HSPA8: variants seen among roughly 807,000 people sequenced by gnomAD.
HSPA8 encodes the protein heat shock protein family A (Hsp70) member 8, also known as heat shock cognate 71 kDa protein.
Under a neutral mutation model 52.8 loss-of-function variants are expected in HSPA8, and 2 were observed. The ratio of observed to expected loss-of-function variants is 0.04; its 90% CI spans 0.02 to 0.12. The LOEUF is 0.12. Among genes scored for constraint, HSPA8 ranks in the 10% least tolerant of loss-of-function variants. The pLI, the probability that HSPA8 is intolerant of heterozygous loss-of-function variation, is 1.00. For missense variants in HSPA8, 349 were observed against 800.5 expected, an observed-to-expected ratio of 0.44 and a Z score of 6.81; for synonymous variants, 436 against 274.0, an observed-to-expected ratio of 1.59 and a Z score of -5.84.
chr11:123,060,940 C>A, intron 2 of HSPA8, 142 bp from the exon 3 acceptor site: 2 of 890,550 alleles, frequency 2.2e-6, no homozygotes, highest in Non-Finnish European at 1.8e-6. Context: ...AAACTTCAAC[C>A]TCCTACGTTA....
At position 123,057,829 on chromosome 11, in the gene HSPA8, C is replaced by T. The variant is rs780546314; in HGVS notation, c.1846G>A (p.Gly616Ser). 10 of 1,613,750 alleles carry T rather than the reference C, an allele frequency of 6.2e-6. No homozygotes were observed. The highest frequency in any genetic ancestry group is 7.6e-6 in the Non-Finnish European group (9 of 1,179,778). ...IITKLYQSAG[G>S]MPGGMPGGFP... ...CCCCCAGGCATTCCTCCTGGCATGC[C>T]TCCTGCACTCTGGTACAGCTTGGTG... The change falls in exon 9 of 9, where the codon GGC (glycine) becomes AGC (serine). Residue 616 changes from glycine to serine, a missense_variant. Gly to Ser is a moderately conservative substitution (Grantham distance 56). Transcript: ENST00000534624.
chr11:123,059,558 C>G lies in HSPA8; in HGVS notation c.1035G>C (p.Lys345Asn). ...VLVGGSTRIP[K>N]IQKLLQDFFN... ...AGAAGTCTTGGAGAAGCTTCTGAAT[C>G]TTGGGGATACGAGTAGAACCACCAA... is the stretch of plus-strand genomic sequence containing the variant. The change falls in exon 5 of 9, where the codon AAG becomes AAC. Residue 345 changes from lysine (K) to asparagine (N), a missense_variant. Physicochemically the swap from Lys to Asn is moderately conservative, Grantham distance 94. Transcript: ENST00000534624. 6.2e-7 allele frequency: 1 copy of G among 1,614,082 alleles called. No individual in the cohort carries two copies. The highest frequency in any genetic ancestry group is 8.5e-7 in the Non-Finnish European group (1 of 1,180,000).
In HSPA8 at chr11:123,061,713, C is replaced by T. The variant is rs1565370119; in HGVS notation, c.-6+351G>A. ...GCACGCCAAGAACAGCTCTGAAGAA[C>T]CACGGTGGGACTGGACTAAGCAGGG... is the stretch of plus-strand genomic sequence containing the variant. On this transcript the variant is annotated intron_variant, in intron 1 of 8. Coordinates refer to ENST00000534624, the MANE Select transcript of HSPA8 (RefSeq NM_006597.6). 4 of 268,872 alleles carry T rather than the reference C, an allele frequency of 1.5e-5. No homozygotes were observed. The South Asian group carries it at 1.6e-4, about 10-fold the overall frequency. The allele number at this position is 268,872 out of a possible 1,614,324, so 16.7% of individuals were successfully genotyped here.
At chr11:123,061,611 C>G in intron 1 of HSPA8, 1 of 466,202 alleles carries the variant, frequency 2.1e-6, no homozygotes. Flanking sequence ...CTGTCTGTTC[C>G]CCTCCCTCGC....
chr11:123,057,549 AGT>A lies in HSPA8; in HGVS notation c.*183_*184del. ...ACATTGCATTTTCCACTTACAATAC[AGT>A]GTTTATAAAGTGCAATGTTATTTCC... On this transcript the variant is annotated 3_prime_UTR_variant, in exon 9 of 9. Coordinates refer to ENST00000534624, the MANE Select transcript of HSPA8 (RefSeq NM_006597.6). The A allele has an allele frequency of 5.9e-6, 3 of 510,116 alleles. No homozygotes were observed. Among genetic ancestry groups the A allele is most frequent in the Non-Finnish European group, 1.0e-5 (3 of 290,758 alleles). 31.6% of individuals were successfully genotyped at this position (510,116 alleles called of 1,614,324 possible).
At position 123,061,340 on chromosome 11, in the gene HSPA8, G is replaced by C. The variant is rs761720312; in HGVS notation, c.-5-11C>G. 4 of 1,593,702 alleles carry C rather than the reference G, an allele frequency of 2.5e-6. No individual in the cohort carries two copies. Among genetic ancestry groups the C allele is most frequent in the South Asian group, 2.2e-5 (2 of 90,486 alleles). On this transcript the variant is annotated splice_polypyrimidine_tract_variant and intron_variant, in intron 1 of 8. Coordinates refer to ENST00000534624, the MANE Select transcript of HSPA8 (RefSeq NM_006597.6). ...CCTTGGACATGGTTGCTGAAAAAAAGAAAAATCTGGTTTAAAAATTCAATT... is the reference window on the plus strand; with the variant it reads ...CCTTGGACATGGTTGCTGAAAAAAACAAAAATCTGGTTTAAAAATTCAATT...
chr11:123,061,648 C>T (rs1865507045), intron 1 of HSPA8: 1 of 407,324 alleles, frequency 2.5e-6, no homozygotes. Flanking sequence ...CGGGAGTCAA[C>T]GGGCTTTTAA....
At chr11:123,061,439 T>C (rs541230593) in intron 1 of HSPA8, 110 bp from the exon 2 acceptor site, 3 of 818,508 alleles carry the variant, frequency 3.7e-6, no homozygotes, top group South Asian at 1.6e-5. Context: ...CAAGAGGTAA[T>C]AGTGCCCATC....
In HSPA8 at chr11:123,061,557, G is replaced by C. The variant is rs1865503253; in HGVS notation, c.-5-228C>G. The C allele has an allele frequency of 1.6e-5, 9 of 566,742 alleles. No individual in the cohort carries two copies. The South Asian group carries it at 1.6e-4, about 10-fold the overall frequency. 35.1% of individuals were successfully genotyped at this position (566,742 alleles called of 1,614,324 possible). On this transcript the variant is annotated intron_variant, in intron 1 of 8. Coordinates refer to ENST00000534624, the MANE Select transcript of HSPA8 (RefSeq NM_006597.6). ...GATGAAGGACCCATCTACCCAGACG[G>C]CGTGGGGCGTTGCTCAACACGTGGT...
rs144785833 is a variant in HSPA8 at position 123,057,752 on chromosome 11, G to T, written c.1923C>A (p.Thr641=). The T allele has an allele frequency of 4.0e-5, 65 of 1,611,888 alleles. No individual in the cohort carries two copies. Among genetic ancestry groups the T allele is most frequent in the Non-Finnish European group, 4.2e-6 (5 of 1,179,300 alleles). Reference sequence around the variant, plus strand: ...GGTTGGCTTAATCAACCTCTTCAATGGTGGGCCCTGAGGAAGCACCACCAG... The same window carrying T: ...GGTTGGCTTAATCAACCTCTTCAATTGTGGGCCCTGAGGAAGCACCACCAG... ...PPSGGASSGP[T]IEEVD Residue 641 remains threonine (T), a synonymous_variant, in exon 9 of 9, where the codon ACC becomes ACA. Coordinates refer to ENST00000534624, the MANE Select transcript of HSPA8 (RefSeq NM_006597.6).
chr11:123,059,587 G>C lies in HSPA8; in HGVS notation c.1006C>G (p.Leu336Val). 1 of 1,614,080 alleles carries C rather than the reference G, an allele frequency of 6.2e-7. No individual in the cohort carries two copies. Among genetic ancestry groups the C allele is most frequent in the Non-Finnish European group, 8.5e-7 (1 of 1,179,986 alleles). ...LDKSQIHDIV[L>V]VGGSTRIPKI... Reference sequence around the variant, plus strand: ...GGGATACGAGTAGAACCACCAACCAGGACAATATCATGAATCTGTGACTTG... The same window carrying C: ...GGGATACGAGTAGAACCACCAACCACGACAATATCATGAATCTGTGACTTG... The change falls in exon 5 of 9, where the codon CTG becomes GTG. Residue 336 changes from leucine (L) to valine (V), a missense_variant. Coordinates refer to ENST00000534624, the MANE Select transcript of HSPA8 (RefSeq NM_006597.6).
chr11:123,059,125 G>A lies in HSPA8; in HGVS notation c.1257C>T (p.Thr419=), dbSNP rs368207632. 7 of 1,612,072 alleles carry A rather than the reference G, an allele frequency of 4.3e-6. No homozygotes were observed. The highest frequency in any genetic ancestry group is 4.0e-5 in the African/African-American group (3 of 74,858). Residue 419 remains threonine (T), a synonymous_variant, in exon 6 of 9, where the codon ACC becomes ACT. Transcript: ENST00000534624. ...VMTVLIKRNT[T]IPTKQTQTFT... is the part of the protein sequence containing the mutation. ...AGGTCTGTGTCTGCTTGGTAGGAAT[G>A]GTGGTATTACGCTTGATGAGGACAG...
chr11:123,058,876 T>G (rs767370308), intron 6 of HSPA8, 46 bp from the exon 7 acceptor site: 50 of 1,567,218 alleles, frequency 3.2e-5, no homozygotes, highest in Non-Finnish European at 4.1e-5. Flanking sequence ...TCCAGGTCTG[T>G]GACAGTGCTA....
chr11:123,059,534 G>A lies in HSPA8; in HGVS notation c.1059C>T (p.Phe353=), dbSNP rs150854686. The A allele has an allele frequency of 1.8e-5, 29 of 1,613,984 alleles. No individual in the cohort carries two copies. Among genetic ancestry groups the A allele is most frequent in the Non-Finnish European group, 2.3e-5 (27 of 1,179,994 alleles). Residue 353 remains phenylalanine, a synonymous_variant, in exon 5 of 9, where the codon TTC becomes TTT. Transcript: ENST00000534624. ...TCTTATTCAGTTCTTTTCCATTGAA[G>A]AAGTCTTGGAGAAGCTTCTGAATCT... is the stretch of plus-strand genomic sequence containing the variant. ...IPKIQKLLQD[F]FNGKELNKSI...
Position 123,057,715 on chromosome 11 carries a change from A to T in HSPA8, c.*19T>A. ...TGTTTTAAATGTGTGGAACAATGCT[A>T]CATCTACACTTGGTTGGCTTAATCA... is the stretch of plus-strand genomic sequence containing the variant. On this transcript the variant is annotated 3_prime_UTR_variant, in exon 9 of 9. Transcript: ENST00000534624. 2 of 1,582,766 alleles carry T rather than the reference A, an allele frequency of 1.3e-6. No individual in the cohort carries two copies. Among genetic ancestry groups the T allele is most frequent in the African/African-American group, 2.7e-5 (2 of 73,674 alleles).
At chr11:123,059,420 C>CGAGTT in intron 5 of HSPA8, 53 bp downstream of exon 5, 1 of 1,481,432 alleles carries the variant, frequency 6.8e-7, no homozygotes, top group South Asian at 1.2e-5. Flanking sequence ...CTCATCACAG[C>CGAGTT]GAGTCACCTT....
At chr11:123,061,634 C>G (rs569735160) in intron 1 of HSPA8, 1 of 427,066 alleles carries the variant, frequency 2.3e-6, no homozygotes, top group African/African-American at 2.0e-5. Flanking sequence ...GGTGCCAGTG[C>G]CCCCGGGAGT....
In HSPA8 at chr11:123,058,760, G is replaced by A. The variant is rs1290423049; in HGVS notation, c.1394C>T (p.Pro465Leu). Residue 465 changes from proline (P) to leucine (L), a missense_variant, in exon 7 of 9, where the codon CCT (proline) becomes CTT (leucine). Transcript: ENST00000534624. ...LLGKFELTGI[P>L]PAPRGVPQIE... ...CTGAGGAACACCTCGGGGTGCAGGA[G>A]GTATGCCTGTGAGTTCAAACTTGCC... 2 of 1,614,104 alleles carry A rather than the reference G, an allele frequency of 1.2e-6. No homozygotes were observed. Among genetic ancestry groups the A allele is most frequent in the South Asian group, 1.1e-5 (1 of 91,072 alleles).
chr11:123,061,410 A>T, intron 1 of HSPA8, 81 bp from the exon 2 acceptor site: 1 of 1,100,930 alleles, frequency 9.1e-7, no homozygotes, highest in Admixed American at 2.0e-5. Context: ...CTTAACCAGG[A>T]AAAACGTATG....
Sources: gnomAD v4.1 joint callset for allele counts on GRCh38, gnomAD v4.1.1 for gene constraint, MANE v1.5 for transcripts, NCBI Gene and HGNC (gene_info 2026-07-23, HGNC 2026-07-21) for gene names.